ADGRL4: variants seen among roughly 807,000 people sequenced by gnomAD.
ADGRL4 encodes the protein EGF, latrophilin and seven transmembrane domain containing 1.
A neutral mutation model predicts 74.8 loss-of-function variants in ADGRL4; 90 were observed. The ratio of observed to expected loss-of-function variants is 1.20; its 90% CI spans 1.02 to 1.43. The LOEUF is 1.43. Ranked by LOEUF, ADGRL4 falls within the 40% of genes most tolerant of loss-of-function variation. The pLI is 0.00. For synonymous variants in ADGRL4, 311 were observed against 279.2 expected (o/e 1.11, Z -1.14); for missense variants, 881 against 814.3 (o/e 1.08, Z -1.00).
intron 2 of ADGRL4, among the ~76,000 whole-genome samples, chr1:79,004,762 G>T (rs1047235638): frequency 6.6e-6 from 1 of 152,036 alleles, no homozygotes; most frequent in Non-Finnish European, 1.5e-5. Context: ...TATACATTTC[G>T]TGAACTCTTT....
intron 3 of ADGRL4, among the ~76,000 whole-genome samples, chr1:78,944,967 C>T (rs1490785886): frequency 1.3e-5 from 2 of 151,870 alleles, no homozygotes; most frequent in African/African-American, 4.8e-5. Context: ...GAGTTCAAGA[C>T]CAGCCTGGGC....
intron 2 of ADGRL4, among the ~76,000 whole-genome samples, chr1:78,969,468 C>A (rs1650125552): frequency 6.6e-6 from 1 of 152,140 alleles, no homozygotes; most frequent in Non-Finnish European, 1.5e-5. Context: ...CCAAGTTTAT[C>A]TTGGGACCTT....
intron 2 of ADGRL4, among the ~76,000 whole-genome samples, chr1:78,985,892 C>T (rs1233450228): frequency 1.3e-5 from 2 of 151,566 alleles, no homozygotes; most frequent in Non-Finnish European, 3.0e-5. Context: ...GAGTTAAAGG[C>T]CATTATGCTA....
At chr1:78,975,350 A>G (rs1429031429) in intron 2 of ADGRL4, among the ~76,000 whole-genome samples, 2 of 152,058 alleles carry the variant, frequency 1.3e-5, no homozygotes, top group African/African-American at 4.8e-5. Flanking sequence ...GGTAAATCCT[A>G]TATTTAAAAA....
chr1:78,942,070 G>A (rs1649496539), intron 3 of ADGRL4, among the ~76,000 whole-genome samples: 1 of 150,972 alleles, frequency 6.6e-6, no homozygotes, highest in Admixed American at 6.6e-5. Flanking sequence ...ATGGGTGGCA[G>A]GTGCCTGTAG....
intron 2 of ADGRL4, among the ~76,000 whole-genome samples, chr1:78,959,984 G>A (rs888726936): frequency 2.0e-5 from 3 of 152,106 alleles, no homozygotes; most frequent in Admixed American, 1.3e-4. Context: ...TTTTGAATAA[G>A]CTAAAAGTGT....
chr1:78,965,842 T>C (rs892764582), intron 2 of ADGRL4, among the ~76,000 whole-genome samples: 6 of 152,200 alleles, frequency 3.9e-5, no homozygotes, highest in Non-Finnish European at 8.8e-5. Context: ...GAGAATGACA[T>C]AGCTGGCTTT....
At chr1:78,891,847 G>A (rs1046700456) in intron 13 of ADGRL4, among the ~76,000 whole-genome samples, 155 bp from the exon 14 acceptor site, 1 of 152,154 alleles carries the variant, frequency 6.6e-6, no homozygotes, top group East Asian at 1.9e-4. Flanking sequence ...AAGTTGTGCT[G>A]CAGTTAGGTG....
At chr1:78,972,170 A>G (rs1007188548) in intron 2 of ADGRL4, among the ~76,000 whole-genome samples, 1 of 152,208 alleles carries the variant, frequency 6.6e-6, no homozygotes, top group Non-Finnish European at 1.5e-5. Flanking sequence ...GTGGGAAATA[A>G]TTATCCTTCA....
chr1:78,983,848 G>A (rs1650442729), intron 2 of ADGRL4, among the ~76,000 whole-genome samples: 2 of 151,628 alleles, frequency 1.3e-5, no homozygotes, highest in African/African-American at 4.8e-5. Flanking sequence ...AGATACATGA[G>A]GACACTTTAA....
At chr1:78,959,999 C>A (rs1489386) in intron 2 of ADGRL4, among the ~76,000 whole-genome samples, 94 of 152,010 alleles carry the variant, frequency 6.2e-4, no homozygotes, top group African/African-American at 2.1e-3. Flanking sequence ...AAGTGTACGC[C>A]ATTCAAAATA....
At chr1:78,995,947 C>T (rs1172796181) in intron 2 of ADGRL4, among the ~76,000 whole-genome samples, 2 of 152,066 alleles carry the variant, frequency 1.3e-5, no homozygotes, top group African/African-American at 2.4e-5. Flanking sequence ...CAATTTGTAA[C>T]GATGGGTTTT....
chr1:78,920,766 G>T (rs534122992), intron 9 of ADGRL4, among the ~76,000 whole-genome samples: 4 of 151,930 alleles, frequency 2.6e-5, no homozygotes, highest in African/African-American at 9.6e-5. Flanking sequence ...TAAGTCTTAT[G>T]TCTATGCAGT....
rs145022987 is a variant in ADGRL4 at position 78,919,471 on chromosome 1, G to A, written c.1461+712C>T. On this transcript the variant is annotated intron_variant, in intron 10 of 14. Transcript: ENST00000370742. ...AGGTAACGTTGGCTCAAGGACTTCC[G>A]AGAGGACTCCTTGACACCTGTGCTG... 2.3e-3 allele frequency among the ~76,000 whole-genome samples: 350 copies of A among 151,964 alleles called. 2 individuals are homozygous for A. The highest frequency in any genetic ancestry group is 7.9e-3 in the African/African-American group (326 of 41,514).
Position 78,894,817 on chromosome 1 carries a change from C to T in ADGRL4, c.1750-1628G>A, listed in dbSNP as rs1057251561. On this transcript the variant is annotated intron_variant, in intron 12 of 14. Transcript: ENST00000370742. Reference sequence around the variant, plus strand: ...AAGACTTAGAAGATAAAGTAAATGACGAGAAAAGCTGTTCTCTAGATCCAC... The same window carrying T: ...AAGACTTAGAAGATAAAGTAAATGATGAGAAAAGCTGTTCTCTAGATCCAC... Among the ~76,000 whole-genome samples, 9 of 151,864 alleles carry T rather than the reference C, an allele frequency of 5.9e-5. No homozygotes were observed. In the East Asian group the frequency reaches 1.2e-3, roughly 20 times the overall value.
At chr1:78,951,631 G>A (rs908889880) in intron 2 of ADGRL4, among the ~76,000 whole-genome samples, 33 of 152,140 alleles carry the variant, frequency 2.2e-4, no homozygotes, top group Non-Finnish European at 1.2e-4. Flanking sequence ...CAAGCATTCT[G>A]TTAAATGGTA....
At position 78,973,655 on chromosome 1, in the gene ADGRL4, C is replaced by CATAT. The variant is rs142719161; in HGVS notation, c.173-27233_173-27230dup. 1.3e-4 allele frequency among the ~76,000 whole-genome samples: 19 copies of CATAT among 146,588 alleles called. No individual in the cohort carries two copies. The East Asian group carries it at 2.2e-3, about 17-fold the overall frequency. On this transcript the variant is annotated intron_variant, in intron 2 of 14. Coordinates refer to ENST00000370742, the MANE Select transcript of ADGRL4 (RefSeq NM_022159.4). ...TACATATTATCTTAAATAAGATAAT[C>CATAT]ATATATATATATATGTTAGCCTGAG... is the stretch of plus-strand genomic sequence containing the variant.
intron 2 of ADGRL4, among the ~76,000 whole-genome samples, chr1:78,992,310 C>T (rs138369185): frequency 1.6e-4 from 25 of 151,974 alleles, no homozygotes; most frequent in Admixed American, 3.9e-4. Context: ...TACACTAATC[C>T]GGATTTCTTG....
rs1350779341 is a variant in ADGRL4 at position 78,939,918 on chromosome 1, A to C, written c.326-660T>G. On this transcript the variant is annotated intron_variant, in intron 3 of 14. Coordinates refer to ENST00000370742, the MANE Select transcript of ADGRL4 (RefSeq NM_022159.4). The stretch of plus-strand genomic sequence containing the variant: ...AATTTTACAAGAAAGCAAGAGAAAT[A>C]CTATCATTTAGACAATGGCAGAACA... The C allele has an allele frequency of 2.0e-5, 3 of 152,702 alleles. No homozygotes were observed. The East Asian group carries it at 5.8e-4, about 29-fold the overall frequency. 9.5% of individuals were successfully genotyped at this position (152,702 alleles called of 1,614,324 possible).
Sources: allele counts gnomAD v4.1 joint callset (sites outside exome capture counted in the v4.1 genomes callset), GRCh38; gene constraint gnomAD v4.1.1; transcripts MANE v1.5; gene names NCBI Gene and HGNC (gene_info 2026-07-23, HGNC 2026-07-21).